Variants in ATE1 observed in about 807,000 individuals in gnomAD.
ATE1 encodes the protein arginyl-tRNA--protein transferase 1.
In ATE1, 36 loss-of-function variants were observed where a neutral mutation model predicts 70.5. The ratio of observed to expected loss-of-function variants is 0.51; its 90% CI spans 0.39 to 0.67. ATE1 has a LOEUF of 0.67. ATE1 is among the 30% of genes least tolerant of loss of function. ATE1 has a pLI of 0.00. For synonymous variants in ATE1, 232 were observed against 219.3 expected (o/e 1.06, Z -0.51); for missense variants, 593 against 629.5 (o/e 0.94, Z 0.62).
chr10:121,859,072 GCA>G (rs1385607464), intron 8 of ATE1, among the ~76,000 whole-genome samples: 1 of 151,638 alleles, frequency 6.6e-6, no homozygotes, highest in Non-Finnish European at 1.5e-5. Flanking sequence ...TCCAGCCTAG[GCA>G]ATAAGAGCAA....
intron 6 of ATE1, 47 bp downstream of exon 6, chr10:121,902,342 AAC>A: frequency 6.6e-7 from 1 of 1,524,360 alleles, no homozygotes; most frequent in Non-Finnish European, 8.9e-7. Flanking sequence ...GATATGCCCA[AAC>A]AAAAAAAAAT....
intron 8 of ATE1, among the ~76,000 whole-genome samples, chr10:121,862,053 AG>A (rs1325603745): frequency 6.6e-6 from 1 of 152,152 alleles, no homozygotes; most frequent in Non-Finnish European, 1.5e-5. Flanking sequence ...CTTAGAACAG[AG>A]AGCAGGTAAA....
rs541366969 is a variant in ATE1 at position 121,854,152 on chromosome 10, A to G, written c.976-12889T>C. ...TTATTTTACAACTCTGCAGGTGCAG[A>G]GGTTAACTTGTAGATTTCTGTTGGG... On this transcript the variant is annotated intron_variant, in intron 8 of 11. Coordinates refer to ENST00000224652, the MANE Select transcript of ATE1 (RefSeq NM_001001976.3). Among the ~76,000 whole-genome samples the G allele has an allele frequency of 7.9e-5, 12 of 152,294 alleles. No homozygotes were observed. The South Asian group carries it at 2.3e-3, about 29-fold the overall frequency.
At position 121,807,343 on chromosome 10, in the gene ATE1, A is replaced by G. The variant is rs528170183; in HGVS notation, c.1258-17054T>C. On this transcript the variant is annotated intron_variant, in intron 10 of 11. Coordinates refer to ENST00000224652, the MANE Select transcript of ATE1 (RefSeq NM_001001976.3). ...AGGAAGAGTAACCAAAGGTAATCAAACAATCGCCATTACATTTAGTTTGTA... is the reference window on the plus strand; with the variant it reads ...AGGAAGAGTAACCAAAGGTAATCAAGCAATCGCCATTACATTTAGTTTGTA... 5.9e-5 allele frequency among the ~76,000 whole-genome samples: 9 copies of G among 152,364 alleles called. No individual in the cohort carries two copies. The South Asian group carries it at 1.7e-3, about 28-fold the overall frequency.
chr10:121,907,650 T>C (rs1461619980), intron 5 of ATE1, among the ~76,000 whole-genome samples: 1 of 151,506 alleles, frequency 6.6e-6, no homozygotes, highest in Non-Finnish European at 1.5e-5. Context: ...GCGCCTGTAG[T>C]CCCAGCTACT....
chr10:121,758,635 G>GGTTTGCTT (rs553894182), intron 11 of ATE1, among the ~76,000 whole-genome samples: 1 of 152,022 alleles, frequency 6.6e-6, no homozygotes, highest in Non-Finnish European at 1.5e-5. Flanking sequence ...AGATATTGAG[G>GGTTTGCTT]GTTTGTTTGT....
intron 10 of ATE1, among the ~76,000 whole-genome samples, chr10:121,832,174 C>T (rs947285932): frequency 2.6e-5 from 4 of 152,136 alleles, no homozygotes; most frequent in Admixed American, 1.3e-4. Flanking sequence ...TGGCCTAGCA[C>T]TGAGTATTAG....
intron 11 of ATE1, among the ~76,000 whole-genome samples, chr10:121,779,934 C>T (rs11598265): frequency 0.94 from 143,715 of 152,228 alleles, 68,073 homozygotes; most frequent in Non-Finnish European, 0.98. Context: ...CTTTCTTGAT[C>T]CCACACTCTG....
In ATE1 at chr10:121,922,313, A is replaced by T. The variant is rs1478090343; in HGVS notation, c.233+36T>A. The T allele has an allele frequency of 5.8e-6, 8 of 1,385,130 alleles. No individual in the cohort carries two copies. In the Admixed American group the frequency reaches 1.5e-4, roughly 26 times the overall value. The allele number at this position is 1,385,130 out of a possible 1,614,324, so 85.8% of individuals were successfully genotyped here. A position where few individuals can be genotyped will look rare whatever the true frequency, so the allele number is the denominator to read the frequency against. ...CTAAAATATTATACACAATCTTCATACTATAAATCCTCTTTCTACTAATTA... is the reference window on the plus strand; with the variant it reads ...CTAAAATATTATACACAATCTTCATTCTATAAATCCTCTTTCTACTAATTA... On this transcript the variant is annotated intron_variant, in intron 3 of 11. Transcript: ENST00000224652.
chr10:121,846,948 C>T (rs192206818), intron 8 of ATE1, among the ~76,000 whole-genome samples: 100 of 152,110 alleles, frequency 6.6e-4, no homozygotes, highest in South Asian at 1.9e-3. Flanking sequence ...GAAATGTTAA[C>T]CTCTTATAAC....
chr10:121,754,128 A>G (rs1366334435), intron 11 of ATE1, among the ~76,000 whole-genome samples: 1 of 152,236 alleles, frequency 6.6e-6, no homozygotes, highest in Non-Finnish European at 1.5e-5. Flanking sequence ...ATAGACATAC[A>G]GATACACAGG....
rs1331073381 is a variant in ATE1 at position 121,829,102 on chromosome 10, T to C, written c.1257+7616A>G. 2.6e-5 allele frequency among the ~76,000 whole-genome samples: 4 copies of C among 152,268 alleles called. No individual in the cohort carries two copies. In the East Asian group the frequency reaches 7.7e-4, roughly 29 times the overall value. On this transcript the variant is annotated intron_variant, in intron 10 of 11. Transcript: ENST00000224652. ...CAGTGTCTAGCACGTACCAGGTACCTAACAGGCTGCTCCTTCTTGGTTGTT... is the reference window on the plus strand; with the variant it reads ...CAGTGTCTAGCACGTACCAGGTACCCAACAGGCTGCTCCTTCTTGGTTGTT...
intron 4 of ATE1, among the ~76,000 whole-genome samples, chr10:121,912,182 A>G (rs1244688443): frequency 1.3e-5 from 2 of 151,664 alleles, no homozygotes; most frequent in Non-Finnish European, 2.9e-5. Context: ...GAGCCACCAC[A>G]CCCGGCCCCG....
At position 121,744,560 on chromosome 10, in the gene ATE1, GT is replaced by G. The variant is rs778548184; in HGVS notation, c.1379-703del. Among the ~76,000 whole-genome samples the G allele has an allele frequency of 4.6e-5, 7 of 152,158 alleles. No individual in the cohort carries two copies. In the East Asian group the frequency reaches 5.8e-4, roughly 13 times the overall value. On this transcript the variant is annotated intron_variant, in intron 11 of 11. Transcript: ENST00000224652. ...TCCCTGTACCAACATATTATCTGAA[GT>G]TTTAATCTCTGCACTGAAGCTTTTG...
Position 121,910,980 on chromosome 10 carries a change from T to C in ATE1, c.509A>G (p.Gln170Arg), listed in dbSNP as rs1442003684. 1.9e-6 allele frequency: 3 copies of C among 1,614,132 alleles called. No individual in the cohort carries two copies. Among genetic ancestry groups the C allele is most frequent in the East Asian group, 2.2e-5 (1 of 44,876 alleles). Residue 170 changes from glutamine (Q) to arginine (R), a missense_variant, in exon 5 of 12, where the codon CAA becomes CGA. Gln to Arg is a conservative substitution (Grantham distance 43, BLOSUM62 1). This residue lies in a region of ATE1 where 467 missense variants were observed against 469.6 expected (regional missense o/e 0.99). Transcript: ENST00000224652. ...GCCCAACTTCTCTCCTACGAAATCT[T>C]GTGACTGAAGTAATTCCTGAGGTTC... is the stretch of plus-strand genomic sequence containing the variant. ...KEEPQELLQS[Q>R]DFVGEKLGSG...
intron 6 of ATE1, among the ~76,000 whole-genome samples, chr10:121,901,605 C>T (rs542408098): frequency 1.6e-4 from 24 of 152,030 alleles, no homozygotes; most frequent in African/African-American, 2.7e-4. Flanking sequence ...TACAGGTGCA[C>T]GCCACCACGC....
At chr10:121,851,659 T>TTTAAG (rs1949062128) in intron 8 of ATE1, among the ~76,000 whole-genome samples, 1 of 152,242 alleles carries the variant, frequency 6.6e-6, no homozygotes, top group Non-Finnish European at 1.5e-5. Flanking sequence ...TAAACAGCAG[T>TTTAAG]TATCTTTCAT....
intron 11 of ATE1, among the ~76,000 whole-genome samples, chr10:121,786,632 C>T (rs1281841345): frequency 2.1e-5 from 3 of 140,616 alleles, no homozygotes; most frequent in South Asian, 2.3e-4. Context: ...TCATACCAGC[C>T]TGGCCTCAAA....
At chr10:121,748,090 A>AT (rs1057148471) in intron 11 of ATE1, among the ~76,000 whole-genome samples, 1 of 152,230 alleles carries the variant, frequency 6.6e-6, no homozygotes, top group Non-Finnish European at 1.5e-5. Flanking sequence ...AAAACCTTGA[A>AT]TTTTTTAAAT....
Sources: allele counts gnomAD v4.1 joint callset (sites outside exome capture counted in the v4.1 genomes callset), GRCh38; gene constraint gnomAD v4.1.1; regional missense constraint gnomAD v4.1.1; transcripts MANE v1.5; gene names NCBI Gene and HGNC (gene_info 2026-07-23, HGNC 2026-07-21).